Variants in HPSE2 observed in about 807,000 individuals in gnomAD.
The protein encoded by HPSE2 is heparanase 2 (inactive).
A neutral mutation model predicts 60.5 loss-of-function variants in HPSE2; 38 were observed. The ratio of observed to expected loss-of-function variants is 0.63; its 90% CI spans 0.48 to 0.82. The LOEUF (loss-of-function observed/expected upper bound fraction) is 0.82, where lower values mean the gene tolerates loss of function less well. HPSE2 is among the 40% of genes least tolerant of loss of function. The pLI is 0.00. For missense variants in HPSE2, 713 were observed against 740.4 expected (o/e 0.96, Z 0.43); for synonymous variants, 295 against 293.2 (o/e 1.01, Z -0.06).
At chr10:98,474,884 T>G (rs150368771) in intron 11 of HPSE2, among the ~76,000 whole-genome samples, 4 of 152,158 alleles carry the variant, frequency 2.6e-5, no homozygotes, top group African/African-American at 9.7e-5. Flanking sequence ...CTTTAGGAGA[T>G]TCTTCTGAGC....
the HPSE2 span, among the ~76,000 whole-genome samples, chr10:99,289,355 GTT>G: frequency 5.4e-4 from 82 of 150,890 alleles, no homozygotes; most frequent in African/African-American, 1.8e-3. Flanking sequence ...GACATCATCT[GTT>G]TTTTTTTTGG....
intron 10 of HPSE2, among the ~76,000 whole-genome samples, chr10:98,486,824 C>A (rs577286978): frequency 6.6e-6 from 1 of 152,266 alleles, no homozygotes; most frequent in African/African-American, 2.4e-5. Flanking sequence ...TTTTGCCAAA[C>A]ATTTTTTCCC....
At chr10:99,122,029 T>C (rs967443502) in intron 3 of HPSE2, among the ~76,000 whole-genome samples, 10 of 152,082 alleles carry the variant, frequency 6.6e-5, no homozygotes, top group Non-Finnish European at 1.5e-5. Flanking sequence ...AACAGGCACA[T>C]ACTGTATTAC....
At chr10:98,881,054 G>C (rs931846774) in intron 3 of HPSE2, among the ~76,000 whole-genome samples, 9 of 151,982 alleles carry the variant, frequency 5.9e-5, no homozygotes, top group African/African-American at 2.2e-4. Flanking sequence ...CAGCTCTCAG[G>C]ACCCAATAAT....
intron 9 of HPSE2, among the ~76,000 whole-genome samples, chr10:98,566,884 TA>T (rs1944362067): frequency 6.6e-6 from 1 of 152,242 alleles, no homozygotes; most frequent in African/African-American, 2.4e-5. Flanking sequence ...GTGAGAATTA[TA>T]GAAGGTCAAA....
intron 3 of HPSE2, among the ~76,000 whole-genome samples, chr10:99,039,941 T>A (rs569189916): frequency 6.6e-6 from 1 of 152,180 alleles, no homozygotes; most frequent in Non-Finnish European, 1.5e-5. Context: ...TCTTTGAAAG[T>A]GATTTTCAAG....
intron 9 of HPSE2, among the ~76,000 whole-genome samples, chr10:98,584,741 T>C (rs893925430): frequency 6.6e-6 from 1 of 152,206 alleles, no homozygotes; most frequent in Non-Finnish European, 1.5e-5. Context: ...TCTGTTTAGA[T>C]AGTGTTTTCT....
At position 98,490,116 on chromosome 10, in the gene HPSE2, C is replaced by CT; in HGVS notation, c.1400dup (p.Pro468AlafsTer148). ...CCCGGATCACTCGGCCAGGCCGTGGCTTCCGCTGGAGCCCAGCCACATGCA... is the reference window on the plus strand; with the variant it reads ...CCCGGATCACTCGGCCAGGCCGTGGCTTTCCGCTGGAGCCCAGCCACATGCA... On this transcript the variant is annotated frameshift_variant, in exon 10 of 12. Transcript: ENST00000370552. LOFTEE classifies it high-confidence loss of function. 6.2e-7 allele frequency: 1 copy of CT among 1,614,236 alleles called. No individual in the cohort carries two copies. The highest frequency in any genetic ancestry group is 8.5e-7 in the Non-Finnish European group (1 of 1,180,048).
chr10:98,653,653 C>T (rs1946980291), intron 6 of HPSE2, among the ~76,000 whole-genome samples: 2 of 151,838 alleles, frequency 1.3e-5, no homozygotes, highest in African/African-American at 4.8e-5. Flanking sequence ...TCCCACCCTT[C>T]ATTTCTATCA....
At chr10:98,965,558 A>C (rs1248767916) in intron 3 of HPSE2, among the ~76,000 whole-genome samples, 2 of 152,030 alleles carry the variant, frequency 1.3e-5, no homozygotes, top group Non-Finnish European at 2.9e-5. Context: ...AGTCTTTCCA[A>C]TTCCAGTCCA....
intron 2 of HPSE2, among the ~76,000 whole-genome samples, chr10:99,150,300 T>C (rs1297052594): frequency 3.3e-5 from 5 of 152,128 alleles, no homozygotes; most frequent in African/African-American, 1.2e-4. Context: ...GCAGTTCTGG[T>C]TGAGACAAAT....
At chr10:98,519,505 A>T (rs1021818971) in intron 9 of HPSE2, among the ~76,000 whole-genome samples, 5 of 152,254 alleles carry the variant, frequency 3.3e-5, no homozygotes, top group Admixed American at 2.6e-4. Context: ...TCTACAAGTC[A>T]GGAAAGTTAA....
intron 2 of HPSE2, among the ~76,000 whole-genome samples, chr10:99,173,710 A>G (rs761594362): frequency 3.3e-5 from 5 of 152,084 alleles, no homozygotes; most frequent in African/African-American, 7.2e-5. Context: ...TTGGGAGGCT[A>G]AGGCAGGCAG....
At chr10:99,064,562 A>G (rs776128478) in intron 3 of HPSE2, among the ~76,000 whole-genome samples, 3 of 151,384 alleles carry the variant, frequency 2.0e-5, no homozygotes, top group Non-Finnish European at 4.4e-5. Context: ...AGTTATATGC[A>G]ATCGCTGTCC....
chr10:98,747,135 T>A (rs1949649359), intron 3 of HPSE2, among the ~76,000 whole-genome samples: 1 of 152,110 alleles, frequency 6.6e-6, no homozygotes, highest in African/African-American at 2.4e-5. Context: ...AGTCCTCTAT[T>A]ATTCATGTCA....
At chr10:98,935,696 G>A (rs2135125758) in intron 3 of HPSE2, among the ~76,000 whole-genome samples, 1 of 144,230 alleles carries the variant, frequency 6.9e-6, no homozygotes, top group Middle Eastern at 3.6e-3. Flanking sequence ...GATGCCAGCT[G>A]GAGCTCTCCT....
At chr10:98,800,875 T>A (rs1950889729) in intron 3 of HPSE2, among the ~76,000 whole-genome samples, 1 of 152,174 alleles carries the variant, frequency 6.6e-6, no homozygotes, top group African/African-American at 2.4e-5. Flanking sequence ...ACTCATTCTG[T>A]GAGGCTAGTG....
intron 3 of HPSE2, among the ~76,000 whole-genome samples, chr10:98,925,429 G>A (rs1954425936): frequency 6.6e-6 from 1 of 151,862 alleles, no homozygotes; most frequent in Admixed American, 6.6e-5. Flanking sequence ...TCTGCCAGGT[G>A]GATGTCAAAG....
chr10:98,889,970 C>T (rs1953287191), intron 3 of HPSE2, among the ~76,000 whole-genome samples: 1 of 152,154 alleles, frequency 6.6e-6, no homozygotes, highest in African/African-American at 2.4e-5. Flanking sequence ...TGGTAAAATA[C>T]ATCCAGAACA....
Sources: gnomAD v4.1 joint callset for allele counts (sites outside exome capture counted in the v4.1 genomes callset) on GRCh38, gnomAD v4.1.1 for gene constraint, MANE v1.5 for transcripts, NCBI Gene and HGNC (gene_info 2026-07-23, HGNC 2026-07-21) for gene names.